TMEM178A: variants seen among roughly 807,000 people sequenced by gnomAD.
The protein encoded by TMEM178A is transmembrane protein 178A, also known as transmembrane protein 178.
A neutral mutation model predicts 29.1 loss-of-function variants in TMEM178A; 12 were observed. The ratio of observed to expected loss-of-function variants is 0.41; its 90% CI spans 0.26 to 0.67. The LOEUF (loss-of-function observed/expected upper bound fraction) is 0.67. Ranked by LOEUF, TMEM178A falls within the 30% of genes least tolerant of loss-of-function variation. The pLI is 0.29. For synonymous variants in TMEM178A, 210 were observed against 187.2 expected (o/e 1.12, Z -0.99); for missense variants, 366 against 419.1 (o/e 0.87, Z 1.11).
chr2:39,683,914 T>A (rs1466968920), intron 1 of TMEM178A, among the ~76,000 whole-genome samples: 1 of 152,212 alleles, frequency 6.6e-6, no homozygotes, highest in East Asian at 1.9e-4. Flanking sequence ...AGCTTTGGAT[T>A]GACTTCTTTA....
rs11884314 is a variant in TMEM178A at position 39,695,618 on chromosome 2, G to T, written c.401-8463G>T. On this transcript the variant is annotated intron_variant, in intron 1 of 3. Transcript: ENST00000281961. ...CACAGAGATGGACATGATGTTGCCA[G>T]GGGACAATTTGGGGAGGGAGGGAAG... is the stretch of plus-strand genomic sequence containing the variant. Among the ~76,000 whole-genome samples the T allele has an allele frequency of 9.5e-3, 1,446 of 151,948 alleles. 12 individuals are homozygous for T. The highest frequency in any genetic ancestry group is 0.012 in the Non-Finnish European group (843 of 67,964).
At chr2:39,735,636 C>T in the TMEM178A span, among the ~76,000 whole-genome samples, 1 of 152,242 alleles carries the variant, frequency 6.6e-6, no homozygotes, top group Non-Finnish European at 1.5e-5. Context: ...GTATCAGTCT[C>T]CATTATCAGA....
intron 1 of TMEM178A, among the ~76,000 whole-genome samples, chr2:39,675,601 T>C (rs546098236): frequency 6.6e-6 from 1 of 152,306 alleles, no homozygotes; most frequent in African/African-American, 2.4e-5. Flanking sequence ...GATTGTAATT[T>C]TGGAAATCTG....
intron 1 of TMEM178A, among the ~76,000 whole-genome samples, chr2:39,696,717 G>A (rs1016179542): frequency 1.3e-5 from 2 of 152,030 alleles, no homozygotes; most frequent in African/African-American, 2.4e-5. Flanking sequence ...ATTTAACCTC[G>A]AGTAGGGGTT....
In TMEM178A at chr2:39,666,391, C is replaced by T. The variant is rs1670159709; in HGVS notation, c.400+17C>T. 2.3e-6 allele frequency: 3 copies of T among 1,327,034 alleles called. No homozygotes were observed. The East Asian group carries it at 1.0e-4, about 46-fold the overall frequency. 82.2% of individuals were successfully genotyped at this position (1,327,034 alleles called of 1,614,324 possible). A position where few individuals can be genotyped will look rare whatever the true frequency, so the allele number is the denominator to read the frequency against. The stretch of plus-strand genomic sequence containing the variant: ...TCCTGAAAGGTGAGCGGCGGGCGCA[C>T]CCCGCGTCCCCGGCGCCCGCGCGTG... On this transcript the variant is annotated intron_variant, in intron 1 of 3. Transcript: ENST00000281961.
chr2:39,717,186 G>T lies in TMEM178A; in HGVS notation c.829G>T (p.Ala277Ser). Residue 277 changes from alanine (A) to serine (S), a missense_variant, in exon 4 of 4, where the codon GCT becomes TCT. Physicochemically the swap from Ala to Ser is moderately conservative, Grantham distance 99. Transcript: ENST00000281961. Reference protein sequence around the residue: ...FIVAAGGLCIAYPFISRTKIA... With the variant: ...FIVAAGGLCISYPFISRTKIA... ...TGTGGCAGCTGGAGGTCTCTGCATCGCTTATCCGTTTATTAGCCGGACCAA... is the reference window on the plus strand; with the variant it reads ...TGTGGCAGCTGGAGGTCTCTGCATCTCTTATCCGTTTATTAGCCGGACCAA... The T allele has an allele frequency of 6.2e-7, 1 of 1,613,212 alleles. No individual in the cohort carries two copies.
rs1489293682 is a variant in TMEM178A at position 39,717,463 on chromosome 2, G to A, written c.*212G>A. ...GTGCTTTAATGACTATTTATGCGTT[G>A]ACTGTGAGAATAGGGAGCAGTGCCA... On this transcript the variant is annotated 3_prime_UTR_variant, in exon 4 of 4. Transcript: ENST00000281961. 2.8e-5 allele frequency: 16 copies of A among 563,298 alleles called. No individual in the cohort carries two copies. Among genetic ancestry groups the A allele is most frequent in the Non-Finnish European group, 1.4e-5 (5 of 348,990 alleles). 34.9% of individuals were successfully genotyped at this position (563,298 alleles called of 1,614,324 possible).
At chr2:39,683,566 C>A (rs1318960599) in intron 1 of TMEM178A, among the ~76,000 whole-genome samples, 1 of 152,124 alleles carries the variant, frequency 6.6e-6, no homozygotes, top group Non-Finnish European at 1.5e-5. Context: ...CTAATATATG[C>A]AGCTGTAATT....
At chr2:39,673,572 G>A (rs554872074) in intron 1 of TMEM178A, among the ~76,000 whole-genome samples, 1 of 152,208 alleles carries the variant, frequency 6.6e-6, no homozygotes, top group African/African-American at 2.4e-5. Flanking sequence ...TATAGCTAGG[G>A]AAGAGACTCC....
intron 1 of TMEM178A, among the ~76,000 whole-genome samples, chr2:39,676,771 A>G (rs985048679): frequency 6.6e-6 from 1 of 152,154 alleles, no homozygotes; most frequent in Non-Finnish European, 1.5e-5. Flanking sequence ...CGGCAGTCCC[A>G]TCCTGCCTAT....
intron 3 of TMEM178A, among the ~76,000 whole-genome samples, chr2:39,713,071 C>T (rs570533832): frequency 1.2e-4 from 18 of 152,264 alleles, no homozygotes; most frequent in African/African-American, 3.4e-4. Flanking sequence ...GCAGAACTTA[C>T]GGGAAGTCTA....
intron 3 of TMEM178A, 138 bp from the exon 4 acceptor site, chr2:39,716,872 A>G: frequency 1.8e-6 from 2 of 1,121,214 alleles, no homozygotes; most frequent in Non-Finnish European, 2.5e-6. Flanking sequence ...TAATTCAAGT[A>G]AAATAATTAT....
intron 1 of TMEM178A, among the ~76,000 whole-genome samples, chr2:39,671,492 G>A (rs1218166999): frequency 6.6e-6 from 1 of 152,186 alleles, no homozygotes; most frequent in Non-Finnish European, 1.5e-5. Flanking sequence ...GTTAAAAGAT[G>A]CTGCTGGTAA....
chr2:39,692,098 A>C (rs1488554649), intron 1 of TMEM178A, among the ~76,000 whole-genome samples: 1 of 152,200 alleles, frequency 6.6e-6, no homozygotes, highest in East Asian at 1.9e-4. Context: ...TTATATGTGG[A>C]ATATTCAAAC....
rs541801243 is a variant in TMEM178A at position 39,713,014 on chromosome 2, C to T, written c.653-3996C>T. 1.9e-4 allele frequency among the ~76,000 whole-genome samples: 29 copies of T among 152,316 alleles called. No individual in the cohort carries two copies. In the East Asian group the frequency reaches 2.3e-3, roughly 12 times the overall value. On this transcript the variant is annotated intron_variant, in intron 3 of 3. Transcript: ENST00000281961. Reference sequence around the variant, plus strand: ...CTCAATGTATTGCAGAATTCAGTTTCGTTCAGGTTTTCTTCACTCCATGTG... The same window carrying T: ...CTCAATGTATTGCAGAATTCAGTTTTGTTCAGGTTTTCTTCACTCCATGTG...
At chr2:39,706,565 A>C (rs1672044688) in intron 2 of TMEM178A, among the ~76,000 whole-genome samples, 1 of 152,222 alleles carries the variant, frequency 6.6e-6, no homozygotes, top group African/African-American at 2.4e-5. Context: ...TAGCTTTTTT[A>C]GGCTCTTTCT....
intron 1 of TMEM178A, among the ~76,000 whole-genome samples, chr2:39,693,521 C>G (rs958305176): frequency 6.6e-6 from 1 of 152,188 alleles, no homozygotes; most frequent in African/African-American, 2.4e-5. Context: ...TTGCCTGTGT[C>G]TGCCTTCTCT....
At chr2:39,702,122 G>A (rs934970250) in intron 1 of TMEM178A, among the ~76,000 whole-genome samples, 1 of 151,448 alleles carries the variant, frequency 6.6e-6, no homozygotes, top group African/African-American at 2.4e-5. Context: ...GTTGAAAACT[G>A]GGCATTTGAA....
rs1051689743 is a variant in TMEM178A, at chr2:39,674,442, C to G, written c.400+8068C>G. 2.6e-5 allele frequency among the ~76,000 whole-genome samples: 4 copies of G among 152,336 alleles called. No homozygotes were observed. The East Asian group carries it at 5.8e-4, about 22-fold the overall frequency. On this transcript the variant is annotated intron_variant, in intron 1 of 3. Transcript: ENST00000281961. The stretch of plus-strand genomic sequence containing the variant: ...GAAAACCAAACGTTGTATGTTCTCA[C>G]TGATCATTGGGAGCTAAGCTATGAG...
Sources: allele counts gnomAD v4.1 joint callset (sites outside exome capture counted in the v4.1 genomes callset), GRCh38; gene constraint gnomAD v4.1.1; transcripts MANE v1.5; gene names NCBI Gene and HGNC (gene_info 2026-07-23, HGNC 2026-07-21).